RECK: variants seen among roughly 807,000 people sequenced by gnomAD.
RECK encodes reversion-inducing cysteine-rich protein with Kazal motifs.
RECK carries 69 observed loss-of-function variants against 115.1 expected under a neutral mutation model. The ratio of observed to expected loss-of-function variants is 0.60; its 90% CI spans 0.49 to 0.73. The LOEUF is 0.73. Among genes scored for constraint, RECK ranks in the 30% least tolerant of loss-of-function variants. The pLI, the probability that RECK is intolerant of heterozygous loss-of-function variation, is 0.00. For missense variants in RECK, 1,047 were observed against 1,203.7 expected, an observed-to-expected ratio of 0.87 and a Z score of 1.93; for synonymous variants, 414 against 419.7, an observed-to-expected ratio of 0.99 and a Z score of 0.17.
At chr9:36,044,660 T>C (rs1205571515) in intron 1 of RECK, among the ~76,000 whole-genome samples, 1 of 152,118 alleles carries the variant, frequency 6.6e-6, no homozygotes, top group African/African-American at 2.4e-5. Context: ...ACTAGAATAG[T>C]AGGGTCTTAA....
chr9:36,121,229 C>T (rs1824449977), intron 19 of RECK, among the ~76,000 whole-genome samples: 2 of 152,176 alleles, frequency 1.3e-5, no homozygotes, highest in South Asian at 4.1e-4. Context: ...GAGATTTAGC[C>T]CCATTTTGAT....
intron 8 of RECK, among the ~76,000 whole-genome samples, chr9:36,084,507 C>G (rs917042732): frequency 1.3e-5 from 2 of 152,026 alleles, no homozygotes; most frequent in African/African-American, 4.8e-5. Flanking sequence ...ACAACCTGAC[C>G]AACATGTTGA....
intron 12 of RECK, among the ~76,000 whole-genome samples, chr9:36,104,292 G>GTGTATATATATA (rs34438663): frequency 1.1e-3 from 47 of 43,878 alleles, no homozygotes; most frequent in African/African-American, 2.3e-3. Flanking sequence ...GTGTGTGTGT[G>GTGTATATATATA]TATATATATA....
At chr9:36,041,792 C>T (rs1045042593) in intron 1 of RECK, among the ~76,000 whole-genome samples, 5 of 128,312 alleles carry the variant, frequency 3.9e-5, no homozygotes, top group Non-Finnish European at 6.5e-5. Context: ...TTTTTTTGCA[C>T]ATAGTTTCCA....
intron 8 of RECK, among the ~76,000 whole-genome samples, chr9:36,086,384 T>A (rs1022990966): frequency 1.3e-5 from 2 of 152,104 alleles, no homozygotes; most frequent in African/African-American, 2.4e-5. Context: ...CTCTTAAAGG[T>A]GGCATCCAGA....
chr9:36,119,973 G>A (rs1030773768), intron 18 of RECK, among the ~76,000 whole-genome samples: 6 of 152,110 alleles, frequency 3.9e-5, no homozygotes, highest in Admixed American at 2.0e-4. Flanking sequence ...GGTGGCTCAC[G>A]CCTGTAATCC....
At chr9:36,091,605 G>C (rs989560828) in intron 10 of RECK, among the ~76,000 whole-genome samples, 1 of 152,116 alleles carries the variant, frequency 6.6e-6, no homozygotes, top group Non-Finnish European at 1.5e-5. Context: ...CCCTTCTACT[G>C]TACCACCAGT....
intron 9 of RECK, among the ~76,000 whole-genome samples, chr9:36,089,310 G>A (rs1823076331): frequency 6.6e-6 from 1 of 152,114 alleles, no homozygotes; most frequent in African/African-American, 2.4e-5. Flanking sequence ...CAGTAAGGAA[G>A]GCTTTTCCTT....
At position 36,121,517 on chromosome 9, in the gene RECK, T is replaced by G; in HGVS notation, c.2539-16T>G. ...ATTCTTCTTTTTTTCAGGTAATACATGTTTTCTCTTTCCAGGTAACAAATA... is the reference window on the plus strand; with the variant it reads ...ATTCTTCTTTTTTTCAGGTAATACAGGTTTTCTCTTTCCAGGTAACAAATA... On this transcript the variant is annotated splice_polypyrimidine_tract_variant and intron_variant, in intron 19 of 20. Transcript: ENST00000377966. 1 of 1,610,954 alleles carries G rather than the reference T, an allele frequency of 6.2e-7. No homozygotes were observed. The highest frequency in any genetic ancestry group is 8.5e-7 in the Non-Finnish European group (1 of 1,177,942).
chr9:36,107,329 C>T (rs144314788), intron 13 of RECK, among the ~76,000 whole-genome samples: 3,829 of 152,172 alleles, frequency 0.025, 171 homozygotes, highest in African/African-American at 0.087. Context: ...GTAGCTCACG[C>T]CTGTAATCCC....
chr9:36,037,753 G>A (rs1171286918), intron 1 of RECK, among the ~76,000 whole-genome samples: 1 of 151,868 alleles, frequency 6.6e-6, no homozygotes, highest in Non-Finnish European at 1.5e-5. Flanking sequence ...GACTCCTTCC[G>A]TCCAAAAGCT....
chr9:36,119,814 G>A lies in RECK; in HGVS notation c.2464+847G>A, dbSNP rs1302172755. On this transcript the variant is annotated intron_variant, in intron 18 of 20. Coordinates refer to ENST00000377966, the MANE Select transcript of RECK (RefSeq NM_021111.3). Reference sequence around the variant, plus strand: ...ACACGAAATGAAGGGGAATCGGAGGGGCCCAGGGCAGAGAGGCTGCTAATG... The same window carrying A: ...ACACGAAATGAAGGGGAATCGGAGGAGCCCAGGGCAGAGAGGCTGCTAATG... Among the ~76,000 whole-genome samples the A allele has an allele frequency of 3.9e-5, 6 of 152,180 alleles. No homozygotes were observed. In the South Asian group the frequency reaches 1.2e-3, roughly 31 times the overall value.
Position 36,058,805 on chromosome 9 carries a change from CTTTT to C in RECK, c.160-13_160-10del. 4 of 1,235,160 alleles carry C rather than the reference CTTTT, an allele frequency of 3.2e-6. No homozygotes were observed. Among genetic ancestry groups the C allele is most frequent in the Non-Finnish European group, 4.5e-6 (4 of 888,986 alleles). 76.5% of individuals were successfully genotyped at this position (1,235,160 alleles called of 1,614,324 possible). The stretch of plus-strand genomic sequence containing the variant: ...TTCTTATAGAAAAATGCCACAAAAA[CTTTT>C]TTTTTTTTGTCAAATAGATTTTCTC... On this transcript the variant is annotated intron_variant, in intron 2 of 20. Transcript: ENST00000377966.
intron 1 of RECK, among the ~76,000 whole-genome samples, chr9:36,041,479 T>C (rs2132544651): frequency 6.6e-6 from 1 of 152,342 alleles, no homozygotes; most frequent in South Asian, 2.1e-4. Flanking sequence ...AGTTGTTTCA[T>C]AATGATCAAT....
intron 17 of RECK, among the ~76,000 whole-genome samples, chr9:36,118,433 G>A (rs1824344160): frequency 6.7e-6 from 1 of 150,016 alleles, no homozygotes; most frequent in Admixed American, 6.7e-5. Context: ...AGGCGCTTCT[G>A]GGATACTAAC....
chr9:36,082,630 T>C (rs1184361672), intron 7 of RECK, among the ~76,000 whole-genome samples: 2 of 152,176 alleles, frequency 1.3e-5, no homozygotes, highest in Non-Finnish European at 2.9e-5. Flanking sequence ...TGACAGCCCA[T>C]TGATTTTTTA....
intron 14 of RECK, 51 bp from the exon 15 acceptor site, chr9:36,109,906 C>T (rs1316218540): frequency 2.6e-6 from 4 of 1,517,628 alleles, no homozygotes; most frequent in Non-Finnish European, 3.6e-6. Context: ...AATACGTGCT[C>T]TATTTCTCAA....
chr9:36,116,779 C>A (rs1478106595), intron 16 of RECK, among the ~76,000 whole-genome samples: 2 of 152,208 alleles, frequency 1.3e-5, no homozygotes, highest in East Asian at 1.9e-4. Flanking sequence ...CTCATCCCCG[C>A]AAGCTTTGTG....
chr9:36,123,843 T>G lies in RECK; in HGVS notation c.*798T>G, dbSNP rs1181454680. 1 of 152,652 alleles carries G rather than the reference T, an allele frequency of 6.6e-6. No homozygotes were observed. The highest frequency in any genetic ancestry group is 2.4e-5 in the African/African-American group (1 of 41,480). 9.5% of individuals were successfully genotyped at this position (152,652 alleles called of 1,614,324 possible). A position where few individuals can be genotyped will look rare whatever the true frequency, so the allele number is the denominator to read the frequency against. ...TAAATGTAGAGTTTTTAAACATCAATCTTTAAACCAATTGCTGCTACTTAT... is the reference window on the plus strand; with the variant it reads ...TAAATGTAGAGTTTTTAAACATCAAGCTTTAAACCAATTGCTGCTACTTAT... On this transcript the variant is annotated 3_prime_UTR_variant, in exon 21 of 21. Coordinates refer to ENST00000377966, the MANE Select transcript of RECK (RefSeq NM_021111.3).
Sources: allele counts gnomAD v4.1 joint callset (sites outside exome capture counted in the v4.1 genomes callset), GRCh38; gene constraint gnomAD v4.1.1; transcripts MANE v1.5; gene names NCBI Gene and HGNC (gene_info 2026-07-23, HGNC 2026-07-21).